The following ASPRV1 variants were observed in gnomAD, a reference collection of about 807,000 sequenced individuals.
The protein encoded by ASPRV1 is retroviral-like aspartic protease 1.
A neutral mutation model predicts 11.0 loss-of-function variants in ASPRV1; 7 were observed. The ratio of observed to expected loss-of-function variants is 0.64; its 90% CI spans 0.36 to 1.20. The LOEUF (loss-of-function observed/expected upper bound fraction) is 1.20, where lower values mean the gene tolerates loss of function less well. ASPRV1 is among the 50% of genes most tolerant of loss of function. ASPRV1 has a pLI of 0.02. For missense variants in ASPRV1, 299 were observed against 320.0 expected (o/e 0.93, Z 0.50); for synonymous variants, 136 against 138.4 (o/e 0.98, Z 0.12).
chr2:69,975,233 G>C, the ASPRV1 span: 48 of 152,646 alleles, frequency 3.1e-4, no homozygotes, highest in Non-Finnish European at 3.8e-4. Flanking sequence ...CAGAGGACTT[G>C]AATGTATCTG....
chr2:69,956,656 T>G (rs1344936593), downstream of ASPRV1, among the ~76,000 whole-genome samples: 1 of 152,122 alleles, frequency 6.6e-6, no homozygotes, highest in East Asian at 1.9e-4. Context: ...GACAGTCTTA[T>G]GAGAAACAAG....
the ASPRV1 span, chr2:69,937,384 C>A: frequency 2.5e-6 from 4 of 1,606,998 alleles, no homozygotes; most frequent in Non-Finnish European, 3.4e-6. Flanking sequence ...AGCGCTCCGA[C>A]TCCGACAGGG....
upstream of ASPRV1, chr2:69,964,391 C>T (rs1678264702): frequency 2.2e-6 from 1 of 449,760 alleles, no homozygotes; most frequent in Non-Finnish European, 4.5e-6. Flanking sequence ...AAGGAGTTGG[C>T]ATCAGCCTCT....
chr2:70,014,796 CAAAAAAA>C, the ASPRV1 span, among the ~76,000 whole-genome samples: 94 of 74,030 alleles, frequency 1.3e-3, no homozygotes, highest in Non-Finnish European at 1.8e-3. Context: ...GACCTTGTCT[CAAAAAAA>C]AAAAAAAAAA....
the ASPRV1 span, among the ~76,000 whole-genome samples, chr2:70,033,488 T>C: frequency 6.6e-6 from 1 of 152,212 alleles, no homozygotes; most frequent in East Asian, 1.9e-4. Flanking sequence ...CAAAACAACT[T>C]AGCTCTCCAC....
chr2:70,016,214 CT>C, the ASPRV1 span: 1 of 152,194 alleles, frequency 6.6e-6, no homozygotes, highest in Non-Finnish European at 1.5e-5. Context: ...TACCAAGTAT[CT>C]TTTCTGACCA....
chr2:70,033,288 C>CACAT, the ASPRV1 span, among the ~76,000 whole-genome samples: 1 of 149,080 alleles, frequency 6.7e-6, no homozygotes, highest in African/African-American at 2.5e-5. Flanking sequence ...CACACACACA[C>CACAT]ACACACACAC....
the ASPRV1 span, chr2:70,074,961 A>C: frequency 6.6e-6 from 1 of 151,526 alleles, no homozygotes; most frequent in Non-Finnish European, 1.5e-5. Context: ...AAAAAATAGA[A>C]AAATTAGCTG....
chr2:69,982,725 T>A, the ASPRV1 span, among the ~76,000 whole-genome samples: 1 of 152,144 alleles, frequency 6.6e-6, no homozygotes, highest in Admixed American at 6.5e-5. Flanking sequence ...TGGGGGCTGC[T>A]TCCCCCCTTC....
the ASPRV1 span, among the ~76,000 whole-genome samples, chr2:70,042,917 T>TC: frequency 6.6e-6 from 1 of 152,102 alleles, no homozygotes; most frequent in Admixed American, 6.5e-5. Flanking sequence ...AATAAAGTGC[T>TC]CCAGACTTAG....
chr2:70,022,084 G>T, the ASPRV1 span, among the ~76,000 whole-genome samples: 8 of 150,546 alleles, frequency 5.3e-5, no homozygotes, highest in African/African-American at 2.0e-4. Context: ...GTGCGATCTC[G>T]GCTCACTGCA....
chr2:70,019,032 A>C, the ASPRV1 span: 1 of 152,234 alleles, frequency 6.6e-6, no homozygotes, highest in South Asian at 2.1e-4. Context: ...GTTATGATCT[A>C]AAGTGTAGAT....
chr2:70,048,005 A>C, the ASPRV1 span, among the ~76,000 whole-genome samples: 2 of 147,844 alleles, frequency 1.4e-5, no homozygotes. Context: ...GCTACTCAGG[A>C]GGCTGAGGCA....
At chr2:69,938,526 T>A in the ASPRV1 span, 10 of 461,156 alleles carry the variant, frequency 2.2e-5, no homozygotes, top group Middle Eastern at 5.9e-4. Flanking sequence ...CCAATCAATT[T>A]GAAGCATCCA....
chr2:70,063,733 C>T, the ASPRV1 span, among the ~76,000 whole-genome samples: 12 of 152,160 alleles, frequency 7.9e-5, no homozygotes, highest in Non-Finnish European at 1.8e-4. Context: ...AAGTAATATA[C>T]ACTCTCACTC....
the ASPRV1 span, chr2:69,935,410 A>C: frequency 6.2e-7 from 1 of 1,614,186 alleles, no homozygotes; most frequent in Non-Finnish European, 8.5e-7. Flanking sequence ...CTTGGACCCG[A>C]ATCAAGTCGA....
the ASPRV1 span, among the ~76,000 whole-genome samples, chr2:70,043,315 C>T: frequency 3.3e-5 from 5 of 151,886 alleles, no homozygotes; most frequent in African/African-American, 9.7e-5. Flanking sequence ...CTACTTGGGA[C>T]GCTAAGGCAG....
At chr2:70,066,272 CTT>C in the ASPRV1 span, among the ~76,000 whole-genome samples, 12 of 151,644 alleles carry the variant, frequency 7.9e-5, no homozygotes, top group Non-Finnish European at 1.3e-4. Flanking sequence ...GAGTTTCGCT[CTT>C]GTTGCCCAGG....
At chr2:70,048,449 T>C in the ASPRV1 span, among the ~76,000 whole-genome samples, 2 of 150,390 alleles carry the variant, frequency 1.3e-5, no homozygotes, top group East Asian at 1.9e-4. Flanking sequence ...GAAAAACAAG[T>C]TATTCCAGCA....
Sources: gnomAD v4.1 joint callset for allele counts (sites outside exome capture counted in the v4.1 genomes callset) on GRCh38, gnomAD v4.1.1 for gene constraint, MANE v1.5 for transcripts, NCBI Gene and HGNC (gene_info 2026-07-23, HGNC 2026-07-21) for gene names.